UGT2B17: variants seen among roughly 807,000 people sequenced by gnomAD.
The protein encoded by UGT2B17 is UDP glucuronosyltransferase family 2 member B17.
Under a neutral mutation model 48.2 loss-of-function variants are expected in UGT2B17, and 21 were observed. The observed-to-expected ratio is 0.44, with a 90% CI of 0.31 to 0.63. The LOEUF (loss-of-function observed/expected upper bound fraction) is 0.63, where lower values mean the gene tolerates loss of function less well. Ranked by LOEUF, UGT2B17 falls within the 20% of genes least tolerant of loss-of-function variation. The probability of loss-of-function intolerance (pLI) is 0.08; values close to 1 mark genes in which losing one functional copy is unlikely to be tolerated. For missense variants in UGT2B17, 402 were observed against 696.1 expected (o/e 0.58, Z 4.75); for synonymous variants, 146 against 238.4 (o/e 0.61, Z 3.57).
chr4:68,545,728 A>G (rs1317079266), intron 6 of UGT2B17, among the ~76,000 whole-genome samples: 1 of 125,828 alleles, frequency 7.9e-6, no homozygotes, highest in Non-Finnish European at 1.7e-5. Context: ...TGGAATAAAA[A>G]TGATTAAGGG....
rs1229436635 is a variant in UGT2B17 at position 68,543,447 on chromosome 4, T to C, written c.1314-5543A>G. 4.9e-5 allele frequency among the ~76,000 whole-genome samples: 6 copies of C among 123,496 alleles called. 1 individual carries two copies. Among genetic ancestry groups the C allele is most frequent in the Admixed American group, 3.4e-4 (4 of 11,834 alleles). The allele number at this position is 123,496 out of a possible 152,430, so 81.0% of individuals were successfully genotyped here. A position where few individuals can be genotyped will look rare whatever the true frequency, so the allele number is the denominator to read the frequency against. ...AAAACCCATTTCTACATCGCCATCA[T>C]CAAAAACCAAAGGTAGATAAAACCA... On this transcript the variant is annotated intron_variant, in intron 6 of 6. Transcript: ENST00000317746.
At chr4:68,573,915 A>G (rs1460041106) in intron 1 of UGT2B17, among the ~76,000 whole-genome samples, 2 of 126,248 alleles carry the variant, frequency 1.6e-5, no homozygotes, top group African/African-American at 5.4e-5. Flanking sequence ...ACTGGCAGGG[A>G]CTTCAGGATA....
chr4:68,559,382 A>C lies in UGT2B17; in HGVS notation c.1005+1155T>G, dbSNP rs1392787888. 2.4e-5 allele frequency among the ~76,000 whole-genome samples: 3 copies of C among 126,496 alleles called. 1 individual carries two copies. Among genetic ancestry groups the C allele is most frequent in the Non-Finnish European group, 5.0e-5 (3 of 59,598 alleles). The allele number at this position is 126,496 out of a possible 152,430, so 83.0% of individuals were successfully genotyped here. On this transcript the variant is annotated intron_variant, in intron 4 of 6. Coordinates refer to ENST00000317746, the MANE Select transcript of UGT2B17 (RefSeq NM_001077.4). ...ACAATACAGATGCTGAGAATGTAGA[A>C]AATTGTATTTTGCTACTTTTTGCTT...
chr4:68,553,363 C>T (rs1730948592), intron 4 of UGT2B17, among the ~76,000 whole-genome samples: 1 of 126,824 alleles, frequency 7.9e-6, no homozygotes. Flanking sequence ...TTTTCCTCCA[C>T]CCTATACCTC....
chr4:68,556,924 T>C (rs1264393227), intron 4 of UGT2B17, among the ~76,000 whole-genome samples: 1 of 125,378 alleles, frequency 8.0e-6, no homozygotes, highest in Admixed American at 8.2e-5. Context: ...TTTTCCAAAA[T>C]TATGTTTTTT....
chr4:68,557,149 T>C lies in UGT2B17; in HGVS notation c.1005+3388A>G, dbSNP rs1244939371. ...CTGATATGACTTAGTGTGTACATTA[T>C]CAGTAATAATTATATTTGTTATGTT... On this transcript the variant is annotated intron_variant, in intron 4 of 6. Transcript: ENST00000317746. 5.6e-5 allele frequency among the ~76,000 whole-genome samples: 7 copies of C among 124,910 alleles called. 1 individual carries two copies. The highest frequency in any genetic ancestry group is 1.0e-4 in the Non-Finnish European group (6 of 59,074). The allele number at this position is 124,910 out of a possible 152,430, so 81.9% of individuals were successfully genotyped here.
At chr4:68,554,424 GTT>G in intron 4 of UGT2B17, among the ~76,000 whole-genome samples, 1 of 125,392 alleles carries the variant, frequency 8.0e-6, no homozygotes, top group Non-Finnish European at 1.7e-5. Flanking sequence ...GAGTTCCTAA[GTT>G]CTCTCTTTTT....
rs1731370228 is a variant in UGT2B17 at position 68,576,096 on chromosome 4, C to T, written c.-210G>A. On this transcript the variant is annotated 5_prime_UTR_variant, in exon 1 of 7. The change abolishes an upstream ATG in the 5' untranslated region. Transcript: ENST00000317746. ...CTACCCAGGAGCGCTCTTTGGATCTCATCACTCAGGCTGCCCGGAGTACCC... is the reference window on the plus strand; with the variant it reads ...CTACCCAGGAGCGCTCTTTGGATCTTATCACTCAGGCTGCCCGGAGTACCC... Among the ~76,000 whole-genome samples, 4 of 124,536 alleles carry T rather than the reference C, an allele frequency of 3.2e-5. 1 individual carries two copies. Among genetic ancestry groups the T allele is most frequent in the Non-Finnish European group, 5.1e-5 (3 of 58,978 alleles). 81.7% of individuals were successfully genotyped at this position (124,536 alleles called of 152,430 possible). A position where few individuals can be genotyped will look rare whatever the true frequency, so the allele number is the denominator to read the frequency against.
chr4:68,570,093 G>A (rs1162442633), intron 1 of UGT2B17, among the ~76,000 whole-genome samples: 2 of 126,524 alleles, frequency 1.6e-5, no homozygotes, highest in Non-Finnish European at 3.4e-5. Context: ...ATGAGCCACA[G>A]ACAAAACTTC....
chr4:68,550,649 C>T, intron 6 of UGT2B17, 28 bp downstream of exon 6: 1 of 1,347,080 alleles, frequency 7.4e-7, no homozygotes, highest in Non-Finnish European at 9.7e-7. Context: ...TTGTAAGTAC[C>T]ACCTGGTCAC....
intron 6 of UGT2B17, among the ~76,000 whole-genome samples, chr4:68,538,836 T>C (rs1421326062): frequency 7.9e-6 from 1 of 126,102 alleles, no homozygotes; most frequent in Non-Finnish European, 1.7e-5. Flanking sequence ...CTTCTGTTGT[T>C]CTTTAAACTC....
Position 68,543,107 on chromosome 4 carries a change from C to T in UGT2B17, c.1314-5203G>A, listed in dbSNP as rs537556781. Among the ~76,000 whole-genome samples the T allele has an allele frequency of 1.4e-3, 175 of 126,002 alleles. 44 individuals carry two copies. The highest frequency in any genetic ancestry group is 7.1e-4 in the Non-Finnish European group (42 of 59,498). 82.7% of individuals were successfully genotyped at this position (126,002 alleles called of 152,430 possible). Reference sequence around the variant, plus strand: ...GAAAAGAGTAGTGGTTCTCCCAGCACGCAGCTTGAGATCTGAGAATGGACA... The same window carrying T: ...GAAAAGAGTAGTGGTTCTCCCAGCATGCAGCTTGAGATCTGAGAATGGACA... On this transcript the variant is annotated intron_variant, in intron 6 of 6. Transcript: ENST00000317746.
Position 68,550,838 on chromosome 4 carries a change from T to C in UGT2B17, c.1152A>G (p.Ala384=), listed in dbSNP as rs13102139. The C allele has an allele frequency of 0.3, 395,264 of 1,303,652 alleles. 140,188 individuals carry two copies. Among genetic ancestry groups the C allele is most frequent in the Admixed American group, 0.48 (22,474 of 46,956 alleles). 80.8% of individuals were successfully genotyped at this position (1,303,652 alleles called of 1,614,324 possible). A position where few individuals can be genotyped will look rare whatever the true frequency, so the allele number is the denominator to read the frequency against. ...THGGTNGIYE[A]IYHGIPMVGI... is the part of the protein sequence containing the mutation. ...CCACCATAGGGATCCCATGGTAGAT[T>C]GCCTCATAGATGCCATTGGTTCCAC... Residue 384 remains alanine (A), a synonymous_variant, in exon 6 of 7, where the codon GCA becomes GCG. Transcript: ENST00000317746.
rs1162626151 is a variant in UGT2B17 at position 68,545,191 on chromosome 4, A to G, written c.1313+5486T>C. The stretch of plus-strand genomic sequence containing the variant: ...AGTTGGAAGTAAAGCACTCCTCAGC[A>G]AATGTAAAAGAACAGAAATTATAAC... On this transcript the variant is annotated intron_variant, in intron 6 of 6. Coordinates refer to ENST00000317746, the MANE Select transcript of UGT2B17 (RefSeq NM_001077.4). Among the ~76,000 whole-genome samples, 2 of 126,488 alleles carry G rather than the reference A, an allele frequency of 1.6e-5. 1 individual carries two copies. Among genetic ancestry groups the G allele is most frequent in the Admixed American group, 1.6e-4 (2 of 12,368 alleles). The allele number at this position is 126,488 out of a possible 152,430, so 83.0% of individuals were successfully genotyped here.
chr4:68,559,716 A>C lies in UGT2B17; in HGVS notation c.1005+821T>G, dbSNP rs756038471. Reference sequence around the variant, plus strand: ...GTAGGTATATTCTATAGATTAGAAAATAAGTTCCTACCATGTTTATTTATA... The same window carrying C: ...GTAGGTATATTCTATAGATTAGAAACTAAGTTCCTACCATGTTTATTTATA... On this transcript the variant is annotated intron_variant, in intron 4 of 6. Coordinates refer to ENST00000317746, the MANE Select transcript of UGT2B17 (RefSeq NM_001077.4). 1.6e-4 allele frequency among the ~76,000 whole-genome samples: 20 copies of C among 126,102 alleles called. 7 individuals carry two copies. The highest frequency in any genetic ancestry group is 8.1e-4 in the Admixed American group (10 of 12,320). The allele number at this position is 126,102 out of a possible 152,430, so 82.7% of individuals were successfully genotyped here.
chr4:68,567,465 T>C lies in UGT2B17; in HGVS notation c.724+296A>G, dbSNP rs1429962225. Reference sequence around the variant, plus strand: ...GTTTCTTGAAGTATCTATTGACTTTTTTAAAGATGAAAAAATGTATAGCAA... The same window carrying C: ...GTTTCTTGAAGTATCTATTGACTTTCTTAAAGATGAAAAAATGTATAGCAA... On this transcript the variant is annotated intron_variant, in intron 2 of 6. Transcript: ENST00000317746. Among the ~76,000 whole-genome samples, 2 of 126,464 alleles carry C rather than the reference T, an allele frequency of 1.6e-5. 1 individual carries two copies. Among genetic ancestry groups the C allele is most frequent in the Non-Finnish European group, 3.4e-5 (2 of 59,616 alleles). 83.0% of individuals were successfully genotyped at this position (126,464 alleles called of 152,430 possible).
Position 68,537,622 on chromosome 4 carries a change from T to C in UGT2B17, c.*3A>G, listed in dbSNP as rs767195299. ...GTCATTCCACTTCAGGCTTTTGATA[T>C]AACTAATCCCTTTTCTTCTTCTTTC... On this transcript the variant is annotated 3_prime_UTR_variant, in exon 7 of 7. Transcript: ENST00000317746. 7.4e-7 allele frequency: 1 copy of C among 1,357,474 alleles called. No individual in the cohort carries two copies. Among genetic ancestry groups the C allele is most frequent in the Non-Finnish European group, 9.6e-7 (1 of 1,042,338 alleles). The allele number at this position is 1,357,474 out of a possible 1,614,324, so 84.1% of individuals were successfully genotyped here. A position where few individuals can be genotyped will look rare whatever the true frequency, so the allele number is the denominator to read the frequency against.
chr4:68,537,626 T>G lies in UGT2B17; in HGVS notation c.1592A>C (p.Ter531SerextTer9). 1 of 1,366,028 alleles carries G rather than the reference T, an allele frequency of 7.3e-7. No individual in the cohort carries two copies. Among genetic ancestry groups the G allele is most frequent in the Non-Finnish European group, 9.5e-7 (1 of 1,047,200 alleles). 84.6% of individuals were successfully genotyped at this position (1,366,028 alleles called of 1,614,324 possible). A position where few individuals can be genotyped will look rare whatever the true frequency, so the allele number is the denominator to read the frequency against. Reference sequence around the variant, plus strand: ...TTCCACTTCAGGCTTTTGATATAACTAATCCCTTTTCTTCTTCTTTCCTGT... The same window carrying G: ...TTCCACTTCAGGCTTTTGATATAACGAATCCCTTTTCTTCTTCTTTCCTGT... ...AKTGKKKKRD[*>S] Residue 531 changes from the stop codon to serine, a stop_lost, in exon 7 of 7, where the codon TAG (stop) becomes TCG (serine). Transcript: ENST00000317746.
intron 1 of UGT2B17, among the ~76,000 whole-genome samples, chr4:68,568,842 A>G (rs1252736924): frequency 3.8e-5 from 5 of 133,224 alleles, no homozygotes; most frequent in African/African-American, 1.3e-4. Context: ...GTCTTCTAAA[A>G]CTTTGTTGAC....
Sources: gnomAD v4.1 joint callset for allele counts (sites outside exome capture counted in the v4.1 genomes callset) on GRCh38, gnomAD v4.1.1 for gene constraint, MANE v1.5 for transcripts, NCBI Gene and HGNC (gene_info 2026-07-23, HGNC 2026-07-21) for gene names.